The following PGM5 variants were observed in gnomAD, a reference collection of about 807,000 sequenced individuals.
PGM5 encodes the protein phosphoglucomutase 5.
In PGM5, 23 loss-of-function variants were observed where a neutral mutation model predicts 59.2. The ratio of observed to expected loss-of-function variants is 0.39; its 90% CI spans 0.28 to 0.55. PGM5 has a LOEUF of 0.55. PGM5 is among the 20% of genes least tolerant of loss of function. The pLI, the probability that PGM5 is intolerant of heterozygous loss-of-function variation, is 0.66. For synonymous variants in PGM5, 214 were observed against 286.0 expected (o/e 0.75, Z 2.54); for missense variants, 574 against 748.3 (o/e 0.77, Z 2.72).
At chr9:68,396,855 C>A (rs1331429296) in intron 6 of PGM5, 2 of 152,134 alleles carry the variant, frequency 1.3e-5, no homozygotes, top group Admixed American at 6.5e-5. Context: ...ATGCCAGGCC[C>A]TGGAATAATA....
intron 10 of PGM5, among the ~76,000 whole-genome samples, chr9:68,516,507 C>T (rs1265261938): frequency 2.0e-5 from 3 of 152,172 alleles, no homozygotes; most frequent in Non-Finnish European, 4.4e-5. Flanking sequence ...GGCAGTTAGG[C>T]GAAGTACAGA....
At chr9:68,508,354 T>TA (rs1160948805) in intron 10 of PGM5, among the ~76,000 whole-genome samples, 1 of 152,016 alleles carries the variant, frequency 6.6e-6, no homozygotes, top group Non-Finnish European at 1.5e-5. Context: ...GCCTGGACCC[T>TA]AAAAAAAATT....
chr9:68,425,367 G>A (rs996011157), intron 6 of PGM5, among the ~76,000 whole-genome samples: 3 of 152,198 alleles, frequency 2.0e-5, no homozygotes, highest in African/African-American at 7.2e-5. Flanking sequence ...GAAAGGGGTC[G>A]AGAGTGGTAA....
At chr9:68,528,611 A>G (rs1349947426) in intron 10 of PGM5, among the ~76,000 whole-genome samples, 2 of 151,884 alleles carry the variant, frequency 1.3e-5, no homozygotes, top group African/African-American at 4.9e-5. Context: ...CTCTACATGG[A>G]AAAAACAATA....
At chr9:68,508,953 C>A (rs547299141) in intron 10 of PGM5, among the ~76,000 whole-genome samples, 7 of 152,182 alleles carry the variant, frequency 4.6e-5, no homozygotes, top group Admixed American at 2.6e-4. Context: ...TGGGGACTGA[C>A]AGTGAACCTG....
chr9:68,490,157 G>C (rs1021820218), intron 9 of PGM5, among the ~76,000 whole-genome samples: 5 of 152,136 alleles, frequency 3.3e-5, no homozygotes, highest in Non-Finnish European at 7.4e-5. Flanking sequence ...GTTTTAATAT[G>C]TACCTCGATG....
intron 5 of PGM5, 146 bp downstream of exon 5, chr9:68,391,870 A>C: frequency 1.4e-6 from 1 of 725,284 alleles, no homozygotes; most frequent in South Asian, 2.0e-5. Flanking sequence ...CTTCTGTTTA[A>C]TGACTAAGTA....
chr9:68,493,767 T>C (rs1386702770), intron 9 of PGM5, among the ~76,000 whole-genome samples: 1 of 152,202 alleles, frequency 6.6e-6, no homozygotes, highest in African/African-American at 2.4e-5. Context: ...TATTCTTGTA[T>C]CATTTCCAAA....
intron 7 of PGM5, chr9:68,466,109 C>T (rs1823929823): frequency 1.6e-6 from 2 of 1,286,062 alleles, no homozygotes; most frequent in African/African-American, 1.5e-5. Context: ...CAAATGAGCT[C>T]TTACATTCAT....
At chr9:68,462,614 C>A (rs1295729944) in intron 6 of PGM5, among the ~76,000 whole-genome samples, 1 of 152,112 alleles carries the variant, frequency 6.6e-6, no homozygotes, top group Non-Finnish European at 1.5e-5. Flanking sequence ...AAATCCTTTT[C>A]CCTCCCTTCA....
chr9:68,406,665 T>C lies in PGM5; in HGVS notation c.1043+14192T>C, dbSNP rs1391537770. 3.8e-3 allele frequency among the ~76,000 whole-genome samples: 8 copies of C among 2,114 alleles called. 1 individual carries two copies. Among genetic ancestry groups the C allele is most frequent in the Non-Finnish European group, 0.011 (8 of 722 alleles). 1.4% of individuals were successfully genotyped at this position (2,114 alleles called of 152,430 possible). A position where few individuals can be genotyped will look rare whatever the true frequency, so the allele number is the denominator to read the frequency against. On this transcript the variant is annotated intron_variant, in intron 6 of 10. Coordinates refer to ENST00000396396, the MANE Select transcript of PGM5 (RefSeq NM_021965.4). ...TGTACTGAGGATTAAATTAGGTATA[T>C]ATATATATATATGTATATATATATA...
At chr9:68,522,664 C>A (rs916951779) in intron 10 of PGM5, among the ~76,000 whole-genome samples, 5 of 152,120 alleles carry the variant, frequency 3.3e-5, no homozygotes, top group Admixed American at 6.5e-5. Flanking sequence ...TTTTAATTTG[C>A]TTAAAATTTT....
intron 6 of PGM5, among the ~76,000 whole-genome samples, chr9:68,406,682 A>ATATATATATATATATATATATATGTG (rs1822821074): frequency 2.5e-5 from 1 of 39,346 alleles, no homozygotes; most frequent in African/African-American, 1.1e-4. Flanking sequence ...ATATATGTAT[A>ATATATATATATATATATATATATGTG]TATATATATA....
At chr9:68,446,079 C>A (rs868946085) in intron 6 of PGM5, among the ~76,000 whole-genome samples, 5 of 152,088 alleles carry the variant, frequency 3.3e-5, no homozygotes, top group African/African-American at 1.2e-4. Flanking sequence ...CTTTTTGAGG[C>A]AAGATAGAAG....
intron 6 of PGM5, among the ~76,000 whole-genome samples, chr9:68,441,615 G>A (rs529246271): frequency 6.6e-6 from 1 of 152,144 alleles, no homozygotes; most frequent in African/African-American, 2.4e-5. Context: ...CAAATAAAGA[G>A]CATCTACAAT....
chr9:68,500,001 A>G (rs1321324560), intron 10 of PGM5, among the ~76,000 whole-genome samples: 2 of 152,196 alleles, frequency 1.3e-5, no homozygotes, highest in African/African-American at 4.8e-5. Flanking sequence ...AACATTAATT[A>G]ATACCAGAAA....
intron 6 of PGM5, among the ~76,000 whole-genome samples, chr9:68,432,892 C>T (rs1331265169): frequency 6.6e-6 from 1 of 152,320 alleles, no homozygotes; most frequent in South Asian, 2.1e-4. Context: ...AAGGCACGAG[C>T]CACTGCGCCT....
chr9:68,424,198 T>G (rs1554682564), intron 6 of PGM5, among the ~76,000 whole-genome samples: 1 of 152,202 alleles, frequency 6.6e-6, no homozygotes, highest in African/African-American at 2.4e-5. Context: ...ACTTTGCATT[T>G]CCCACAAAGT....
intron 1 of PGM5, among the ~76,000 whole-genome samples, chr9:68,366,820 A>G (rs1356767458): frequency 9.2e-5 from 14 of 152,140 alleles, no homozygotes; most frequent in Admixed American, 8.5e-4. Flanking sequence ...GAATGTGATA[A>G]TGGGTTACAG....
Sources: gnomAD v4.1 joint callset for allele counts (sites outside exome capture counted in the v4.1 genomes callset) on GRCh38, gnomAD v4.1.1 for gene constraint, MANE v1.5 for transcripts, NCBI Gene and HGNC (gene_info 2026-07-23, HGNC 2026-07-21) for gene names.